The following TAFA1 variants were observed in gnomAD, a reference collection of about 807,000 sequenced individuals.
The protein encoded by TAFA1 is TAFA chemokine like family member 1.
Under a neutral mutation model 18.5 loss-of-function variants are expected in TAFA1, and 4 were observed. The ratio of observed to expected loss-of-function variants is 0.22; its 90% CI spans 0.11 to 0.49. The LOEUF is 0.49. Among genes scored for constraint, TAFA1 ranks in the 20% least tolerant of loss-of-function variants. The pLI is 0.98. For synonymous variants in TAFA1, 56 were observed against 55.2 expected, an observed-to-expected ratio of 1.01 and a Z score of -0.06; for missense variants, 147 against 169.0, an observed-to-expected ratio of 0.87 and a Z score of 0.72.
intron 2 of TAFA1, among the ~76,000 whole-genome samples, chr3:68,379,659 G>T (rs1432399596): frequency 6.6e-6 from 1 of 151,384 alleles, no homozygotes; most frequent in Non-Finnish European, 1.5e-5. Flanking sequence ...TTTAAATGTA[G>T]GTTGTCTTCC....
chr3:68,160,997 C>G (rs141677830), intron 2 of TAFA1, among the ~76,000 whole-genome samples: 78 of 152,292 alleles, frequency 5.1e-4, no homozygotes, highest in African/African-American at 1.7e-3. Flanking sequence ...GGGTCACTAT[C>G]CATTTAGATC....
At chr3:68,372,852 C>T (rs2069738070) in intron 2 of TAFA1, among the ~76,000 whole-genome samples, 1 of 152,090 alleles carries the variant, frequency 6.6e-6, no homozygotes, top group African/African-American at 2.4e-5. Context: ...CAATAAGAAG[C>T]TAAGCCAAGG....
chr3:68,501,703 G>A (rs954053710), intron 3 of TAFA1, among the ~76,000 whole-genome samples: 4 of 152,124 alleles, frequency 2.6e-5, no homozygotes, highest in African/African-American at 7.2e-5. Context: ...CAAACTGCAG[G>A]TTATAATTAG....
intron 2 of TAFA1, among the ~76,000 whole-genome samples, chr3:68,277,889 A>G (rs1381572473): frequency 6.6e-6 from 1 of 152,190 alleles, no homozygotes; most frequent in Non-Finnish European, 1.5e-5. Context: ...TTTAGCCATA[A>G]GTCATTTAGA....
chr3:68,015,413 A>T (rs534557235), intron 2 of TAFA1, among the ~76,000 whole-genome samples: 6 of 151,682 alleles, frequency 4.0e-5, no homozygotes, highest in South Asian at 2.1e-4. Flanking sequence ...TAGCCTCCTG[A>T]GTAGCTGGGA....
chr3:68,145,182 T>TACC, intron 2 of TAFA1: 2 of 817,924 alleles, frequency 2.4e-6, no homozygotes, highest in South Asian at 1.3e-5. Context: ...TGGAAAAGAA[T>TACC]ACCACCTGCT....
intron 3 of TAFA1, among the ~76,000 whole-genome samples, chr3:68,476,642 C>T (rs899831299): frequency 6.6e-6 from 1 of 152,074 alleles, no homozygotes; most frequent in Non-Finnish European, 1.5e-5. Context: ...ATAATTGTGG[C>T]TAAAAGATAT....
In TAFA1 at chr3:68,328,772, A is replaced by G. The variant is rs975322951; in HGVS notation, c.119-88508A>G. On this transcript the variant is annotated intron_variant, in intron 2 of 4. Transcript: ENST00000478136. ...AACTCTTTATATATAATAAATATGT[A>G]TATGGCCTTGCATCTCTGAAGAGCA... Among the ~76,000 whole-genome samples, 7 of 152,090 alleles carry G rather than the reference A, an allele frequency of 4.6e-5. No individual in the cohort carries two copies. The South Asian group carries it at 8.3e-4, about 18-fold the overall frequency.
chr3:68,266,869 T>C (rs2067556619), intron 2 of TAFA1, among the ~76,000 whole-genome samples: 1 of 152,178 alleles, frequency 6.6e-6, no homozygotes, highest in Non-Finnish European at 1.5e-5. Context: ...TTATCATAAT[T>C]TGAAGCTACG....
chr3:68,212,982 C>T (rs1388438920), intron 2 of TAFA1, among the ~76,000 whole-genome samples: 1 of 151,654 alleles, frequency 6.6e-6, no homozygotes, highest in African/African-American at 2.4e-5. Flanking sequence ...CGCGTTAACC[C>T]TCCTCTGGGC....
At chr3:68,174,201 T>C (rs2066095369) in intron 2 of TAFA1, among the ~76,000 whole-genome samples, 1 of 152,118 alleles carries the variant, frequency 6.6e-6, no homozygotes, top group African/African-American at 2.4e-5. Flanking sequence ...AAAATGGTGG[T>C]TGGTATTTTG....
chr3:68,106,771 G>T (rs1039382865), intron 2 of TAFA1, among the ~76,000 whole-genome samples: 1 of 151,960 alleles, frequency 6.6e-6, no homozygotes, highest in African/African-American at 2.4e-5. Flanking sequence ...CAAATGATTT[G>T]AACATATACC....
chr3:68,222,776 G>A (rs1489139200), intron 2 of TAFA1, among the ~76,000 whole-genome samples: 1 of 151,900 alleles, frequency 6.6e-6, no homozygotes, highest in Non-Finnish European at 1.5e-5. Context: ...AGGTTCAAGC[G>A]ATTCTCCTGT....
chr3:68,065,296 A>C (rs576412289), intron 2 of TAFA1, among the ~76,000 whole-genome samples: 32 of 152,302 alleles, frequency 2.1e-4, no homozygotes, highest in African/African-American at 7.0e-4. Context: ...GGATTTTCCA[A>C]GGATGACTGC....
chr3:68,331,269 T>G (rs1301073949), intron 2 of TAFA1, among the ~76,000 whole-genome samples: 2 of 152,154 alleles, frequency 1.3e-5, no homozygotes, highest in Admixed American at 1.3e-4. Context: ...AATAAATGGT[T>G]GCTAGGGTTA....
In TAFA1 at chr3:68,285,790, A is replaced by G. The variant is rs565923508; in HGVS notation, c.119-131490A>G. Among the ~76,000 whole-genome samples the G allele has an allele frequency of 4.6e-5, 7 of 152,322 alleles. No homozygotes were observed. The South Asian group carries it at 6.2e-4, about 14-fold the overall frequency. On this transcript the variant is annotated intron_variant, in intron 2 of 4. Transcript: ENST00000478136. Reference sequence around the variant, plus strand: ...CAATTGTCACTAAGGGTGAAATGATAAAAGTAATGAGATTTGCATTAAATA... The same window carrying G: ...CAATTGTCACTAAGGGTGAAATGATGAAAGTAATGAGATTTGCATTAAATA...
chr3:68,260,671 A>G (rs1254526101), intron 2 of TAFA1, among the ~76,000 whole-genome samples: 8 of 152,184 alleles, frequency 5.3e-5, no homozygotes, highest in Admixed American at 5.2e-4. Flanking sequence ...AAATAGGGAA[A>G]GGATTCCCTA....
At chr3:68,524,394 T>TA (rs1203491283) in intron 3 of TAFA1, among the ~76,000 whole-genome samples, 1 of 152,100 alleles carries the variant, frequency 6.6e-6, no homozygotes. Context: ...CTCTACTTCT[T>TA]AATGTAAGGA....
rs548448155 is a variant in TAFA1, at chr3:68,395,308, T to C, written c.119-21972T>C. ...AGGAAACAACAGGTGCTGGAGAGGATGTGGAGAAATAGGAACGCTTTTACA... is the reference window on the plus strand; with the variant it reads ...AGGAAACAACAGGTGCTGGAGAGGACGTGGAGAAATAGGAACGCTTTTACA... On this transcript the variant is annotated intron_variant, in intron 2 of 4. Coordinates refer to ENST00000478136, the MANE Select transcript of TAFA1 (RefSeq NM_213609.4). Among the ~76,000 whole-genome samples the C allele has an allele frequency of 2.0e-5, 3 of 152,300 alleles. No homozygotes were observed. The East Asian group carries it at 5.8e-4, about 29-fold the overall frequency.
Sources: gnomAD v4.1 joint callset for allele counts (sites outside exome capture counted in the v4.1 genomes callset) on GRCh38, gnomAD v4.1.1 for gene constraint, MANE v1.5 for transcripts, NCBI Gene and HGNC (gene_info 2026-07-23, HGNC 2026-07-21) for gene names.